SGCZ: variants seen among roughly 807,000 people sequenced by gnomAD.
The protein encoded by SGCZ is sarcoglycan zeta.
Under a neutral mutation model 41.3 loss-of-function variants are expected in SGCZ, and 40 were observed. The ratio of observed to expected loss-of-function variants is 0.97; its 90% CI spans 0.75 to 1.26. The LOEUF is 1.26. Among genes scored for constraint, SGCZ ranks in the 50% most tolerant of loss-of-function variants. The pLI is 0.00. For synonymous variants in SGCZ, 206 were observed against 137.5 expected, an observed-to-expected ratio of 1.50 and a Z score of -3.49; for missense variants, 552 against 369.8, an observed-to-expected ratio of 1.49 and a Z score of -4.04.
At chr8:14,328,071 T>A (rs1324172543) in intron 2 of SGCZ, among the ~76,000 whole-genome samples, 3 of 152,186 alleles carry the variant, frequency 2.0e-5, no homozygotes, top group Non-Finnish European at 4.4e-5. Context: ...TCCTGTCTTG[T>A]ATGAAAAAAC....
intron 4 of SGCZ, among the ~76,000 whole-genome samples, chr8:14,195,472 A>T (rs1352242689): frequency 6.6e-6 from 1 of 152,152 alleles, no homozygotes; most frequent in Admixed American, 6.5e-5. Flanking sequence ...ACAAAAGGGG[A>T]TCAGAAGACA....
chr8:14,107,627 G>GTTTT (rs1204580382), intron 6 of SGCZ, among the ~76,000 whole-genome samples: 1 of 151,420 alleles, frequency 6.6e-6, no homozygotes, highest in Admixed American at 6.6e-5. Flanking sequence ...TCCTTTTTTT[G>GTTTT]TTTTTGTATT....
chr8:14,772,366 A>C (rs1054606318), intron 1 of SGCZ, among the ~76,000 whole-genome samples: 2 of 152,144 alleles, frequency 1.3e-5, no homozygotes, highest in Non-Finnish European at 2.9e-5. Flanking sequence ...GTTTGTATGA[A>C]ATATAAATAT....
intron 1 of SGCZ, among the ~76,000 whole-genome samples, chr8:14,905,294 A>T (rs1799089414): frequency 6.6e-6 from 1 of 152,054 alleles, no homozygotes; most frequent in Admixed American, 6.6e-5. Flanking sequence ...CAAAGGAAAA[A>T]CCGATTAAAA....
chr8:14,493,406 T>A (rs1801903625), intron 2 of SGCZ, among the ~76,000 whole-genome samples: 1 of 136,012 alleles, frequency 7.4e-6, no homozygotes, highest in African/African-American at 2.8e-5. Flanking sequence ...CTCATTGTGT[T>A]GCCAGGCTGG....
At chr8:14,591,926 G>A (rs1344848548) in intron 1 of SGCZ, among the ~76,000 whole-genome samples, 3 of 152,208 alleles carry the variant, frequency 2.0e-5, no homozygotes, top group African/African-American at 7.2e-5. Flanking sequence ...TACAGCCACA[G>A]GGAGGACAGC....
intron 1 of SGCZ, among the ~76,000 whole-genome samples, chr8:14,888,057 A>G (rs934032213): frequency 6.6e-6 from 1 of 152,190 alleles, no homozygotes; most frequent in African/African-American, 2.4e-5. Context: ...TACATCTATC[A>G]CAACGTCACT....
At chr8:15,006,469 G>C (rs1802608779) in intron 1 of SGCZ, among the ~76,000 whole-genome samples, 1 of 152,146 alleles carries the variant, frequency 6.6e-6, no homozygotes, top group Non-Finnish European at 1.5e-5. Flanking sequence ...ACCTTACGAA[G>C]CCTAATTTTG....
chr8:15,069,649 C>T (rs994744604), intron 1 of SGCZ, among the ~76,000 whole-genome samples: 1 of 152,210 alleles, frequency 6.6e-6, no homozygotes, highest in Non-Finnish European at 1.5e-5. Context: ...CTTACTTTTG[C>T]TTACCGCATA....
chr8:14,381,611 CA>C (rs1056701998), intron 2 of SGCZ, among the ~76,000 whole-genome samples: 53 of 141,330 alleles, frequency 3.8e-4, no homozygotes, highest in East Asian at 4.1e-4. Flanking sequence ...CCCGGTTCTA[CA>C]AAAAAAAAAA....
intron 1 of SGCZ, among the ~76,000 whole-genome samples, chr8:14,698,963 A>G (rs1364011594): frequency 6.6e-6 from 1 of 151,926 alleles, no homozygotes; most frequent in Non-Finnish European, 1.5e-5. Flanking sequence ...CCATAAGTAT[A>G]TAAGATACGA....
intron 4 of SGCZ, among the ~76,000 whole-genome samples, chr8:14,220,453 C>T (rs1806152971): frequency 6.6e-6 from 1 of 152,156 alleles, no homozygotes; most frequent in Non-Finnish European, 1.5e-5. Context: ...TCCTGAGCTT[C>T]TGGGGTGCTG....
rs150387228 is a variant in SGCZ at position 14,137,427 on chromosome 8, C to T, written c.547+27153G>A. 6.2e-3 allele frequency among the ~76,000 whole-genome samples: 946 copies of T among 152,134 alleles called. 13 individuals carry two copies. Among genetic ancestry groups the T allele is most frequent in the African/African-American group, 0.022 (908 of 41,482 alleles). ...AACCCATCACAAAGAAGCTAAAAACCTTGAAAAAATGTTAGATGAATGGCT... is the reference window on the plus strand; with the variant it reads ...AACCCATCACAAAGAAGCTAAAAACTTTGAAAAAATGTTAGATGAATGGCT... On this transcript the variant is annotated intron_variant, in intron 5 of 7. Transcript: ENST00000382080.
At chr8:14,411,693 T>C (rs1799364431) in intron 2 of SGCZ, among the ~76,000 whole-genome samples, 1 of 152,102 alleles carries the variant, frequency 6.6e-6, no homozygotes, top group Non-Finnish European at 1.5e-5. Context: ...AAATATTTGT[T>C]TCATGTGTAA....
At chr8:14,530,163 G>A (rs954814130) in intron 2 of SGCZ, among the ~76,000 whole-genome samples, 12 of 151,792 alleles carry the variant, frequency 7.9e-5, no homozygotes, top group Non-Finnish European at 1.6e-4. Flanking sequence ...TGAACTCTCA[G>A]TAAAATTACA....
chr8:14,400,435 A>G (rs568368428), intron 2 of SGCZ, among the ~76,000 whole-genome samples: 57 of 152,270 alleles, frequency 3.7e-4, no homozygotes, highest in African/African-American at 1.3e-3. Context: ...AAAGAATAAT[A>G]CATATATAAG....
rs56152915 is a variant in SGCZ at position 14,326,111 on chromosome 8, C to CAAAAAAAAAAAAAAAAAAAAAAA, written c.235-1908_235-1907insTTTTTTTTTTTTTTTTTTTTTTT. Among the ~76,000 whole-genome samples, 21 of 37,904 alleles carry CAAAAAAAAAAAAAAAAAAAAAAA rather than the reference C, an allele frequency of 5.5e-4. 7 individuals carry two copies. The highest frequency in any genetic ancestry group is 1.9e-3 in the East Asian group (2 of 1,068). 24.9% of individuals were successfully genotyped at this position (37,904 alleles called of 152,430 possible). On this transcript the variant is annotated intron_variant, in intron 2 of 7. Transcript: ENST00000382080. ...TGGGCGAAAGAGTGAGACTCCGTCT[C>CAAAAAAAAAAAAAAAAAAAAAAA]AAAAAAAAAAAAAAAAAAAGATGAG...
chr8:14,480,375 C>G (rs1801502584), intron 2 of SGCZ, among the ~76,000 whole-genome samples: 2 of 152,086 alleles, frequency 1.3e-5, no homozygotes, highest in African/African-American at 4.8e-5. Context: ...TTTCTCCAGC[C>G]TCCTTGGCTA....
chr8:14,632,240 C>G lies in SGCZ; in HGVS notation c.40-77314G>C, dbSNP rs114224867. Among the ~76,000 whole-genome samples the G allele has an allele frequency of 8.8e-3, 1,331 of 152,024 alleles. 18 individuals are homozygous for G. Among genetic ancestry groups the G allele is most frequent in the African/African-American group, 0.03 (1,260 of 41,496 alleles). ...GTCTCCCTATGTTGCCCACGCTTGT[C>G]TTGAACTCCTGAGCTCATGTGATTC... is the stretch of plus-strand genomic sequence containing the variant. On this transcript the variant is annotated intron_variant, in intron 1 of 7. Transcript: ENST00000382080.
Sources: gnomAD v4.1 joint callset for allele counts (sites outside exome capture counted in the v4.1 genomes callset) on GRCh38, gnomAD v4.1.1 for gene constraint, MANE v1.5 for transcripts, NCBI Gene and HGNC (gene_info 2026-07-23, HGNC 2026-07-21) for gene names.